The following HDAC9 variants were observed in gnomAD, a reference collection of about 807,000 sequenced individuals.
HDAC9 encodes histone deacetylase 9, also known as MEF-2 interacting transcription repressor (MITR) protein.
A neutral mutation model predicts 139.4 loss-of-function variants in HDAC9; 41 were observed. That is an observed-to-expected ratio of 0.29 (90% CI 0.23 to 0.38). The LOEUF is 0.38. HDAC9 is among the 10% of genes least tolerant of loss of function. The pLI is 1.00. For synonymous variants in HDAC9, 517 were observed against 476.2 expected (o/e 1.09, Z -1.12); for missense variants, 1,147 against 1,297.0 (o/e 0.88, Z 1.78).
At chr7:18,764,643 T>A (rs1789670181) in intron 15 of HDAC9, among the ~76,000 whole-genome samples, 1 of 152,178 alleles carries the variant, frequency 6.6e-6, no homozygotes, top group Non-Finnish European at 1.5e-5. Flanking sequence ...TGTTTGTTTG[T>A]TTGTATCTGG....
chr7:18,146,451 A>G (rs1343514976), intron 1 of HDAC9, among the ~76,000 whole-genome samples: 1 of 152,188 alleles, frequency 6.6e-6, no homozygotes, highest in East Asian at 1.9e-4. Flanking sequence ...GTTTTTCTTC[A>G]GAGCTGCTAT....
intron 1 of HDAC9, among the ~76,000 whole-genome samples, chr7:18,350,666 A>G (rs934653606): frequency 6.6e-6 from 1 of 152,226 alleles, no homozygotes; most frequent in Non-Finnish European, 1.5e-5. Context: ...AGTACATTCC[A>G]TAGCTGTAAG....
chr7:18,159,754 A>G (rs1787494448), intron 1 of HDAC9, among the ~76,000 whole-genome samples: 1 of 152,140 alleles, frequency 6.6e-6, no homozygotes, highest in Non-Finnish European at 1.5e-5. Context: ...ATAAATGGAA[A>G]CTAGTGTATA....
chr7:18,496,111 T>A (rs907064623), intron 1 of HDAC9, 88 bp downstream of exon 1: 5 of 1,401,354 alleles, frequency 3.6e-6, no homozygotes, highest in African/African-American at 1.4e-5. Flanking sequence ...GTTGATCCTC[T>A]GCTGCTTCTC....
chr7:18,909,858 G>A (rs1014578302), intron 22 of HDAC9, among the ~76,000 whole-genome samples: 11 of 151,930 alleles, frequency 7.2e-5, no homozygotes, highest in African/African-American at 2.7e-4. Context: ...GGTTATTATA[G>A]GCTTGTAGTA....
At chr7:18,311,759 C>A (rs1156633639) in intron 1 of HDAC9, among the ~76,000 whole-genome samples, 1 of 152,160 alleles carries the variant, frequency 6.6e-6, no homozygotes, top group Non-Finnish European at 1.5e-5. Flanking sequence ...AATATAGTGA[C>A]AGCCTCAAAT....
intron 12 of HDAC9, among the ~76,000 whole-genome samples, chr7:18,674,637 G>A (rs139785565): frequency 2.2e-3 from 329 of 152,016 alleles, no homozygotes; most frequent in Middle Eastern, 0.014. Flanking sequence ...TATTTTAATG[G>A]TTTTTGTTTT....
At chr7:18,310,468 A>G (rs770410207) in intron 1 of HDAC9, among the ~76,000 whole-genome samples, 1 of 152,194 alleles carries the variant, frequency 6.6e-6, no homozygotes. Flanking sequence ...TGACAGCCTC[A>G]TGTTAACCAG....
intron 1 of HDAC9, among the ~76,000 whole-genome samples, chr7:18,346,734 A>G (rs917842115): frequency 7.9e-5 from 12 of 152,132 alleles, no homozygotes; most frequent in Non-Finnish European, 1.6e-4. Context: ...TTTTTCTTCC[A>G]CAATTACAAT....
intron 1 of HDAC9, among the ~76,000 whole-genome samples, chr7:18,115,618 G>T (rs1043591949): frequency 6.6e-6 from 1 of 152,126 alleles, no homozygotes; most frequent in African/African-American, 2.4e-5. Flanking sequence ...GGAATTTGAT[G>T]TTCAAATCGG....
chr7:18,601,179 A>G (rs1030721134), intron 6 of HDAC9, among the ~76,000 whole-genome samples: 1 of 152,132 alleles, frequency 6.6e-6, no homozygotes, highest in African/African-American at 2.4e-5. Flanking sequence ...TCTCATTTAC[A>G]TCCTCTACAT....
chr7:18,610,444 AC>A (rs755435296), intron 6 of HDAC9, among the ~76,000 whole-genome samples: 32 of 152,022 alleles, frequency 2.1e-4, no homozygotes, highest in Non-Finnish European at 4.0e-4. Flanking sequence ...TCACAGTTTA[AC>A]AACGATAGCA....
intron 21 of HDAC9, among the ~76,000 whole-genome samples, chr7:18,864,942 A>T (rs1798381378): frequency 6.6e-6 from 1 of 152,186 alleles, no homozygotes; most frequent in African/African-American, 2.4e-5. Flanking sequence ...TACCACAATA[A>T]AACTTTTAGT....
In HDAC9 at chr7:18,364,053, A is replaced by G. The variant is rs183821154; in HGVS notation, c.-42+73538A>G. ...AATGTCTATCTATAAAATTTCCCACAATAGTTCATAATCCTCTTTTCAGCA... is the reference window on the plus strand; with the variant it reads ...AATGTCTATCTATAAAATTTCCCACGATAGTTCATAATCCTCTTTTCAGCA... On this transcript the variant is annotated intron_variant, in intron 1 of 3. Transcript: ENST00000413509. Among the ~76,000 whole-genome samples the G allele has an allele frequency of 7.4e-4, 113 of 152,274 alleles. 2 individuals carry two copies. The highest frequency in any genetic ancestry group is 2.5e-3 in the African/African-American group (102 of 41,556).
At chr7:18,731,237 T>C (rs1437354405) in intron 13 of HDAC9, among the ~76,000 whole-genome samples, 1 of 152,128 alleles carries the variant, frequency 6.6e-6, no homozygotes, top group Non-Finnish European at 1.5e-5. Flanking sequence ...GAGAGGCTAT[T>C]TGTATTTGTA....
At chr7:18,173,803 A>G (rs925950350) in intron 2 of HDAC9, among the ~76,000 whole-genome samples, 1 of 152,164 alleles carries the variant, frequency 6.6e-6, no homozygotes, top group African/African-American at 2.4e-5. Context: ...GGGTTTCTGT[A>G]GAGAGATCAG....
chr7:18,842,171 C>T (rs1796626184), intron 21 of HDAC9, among the ~76,000 whole-genome samples: 1 of 152,064 alleles, frequency 6.6e-6, no homozygotes, highest in Non-Finnish European at 1.5e-5. Context: ...AATGGATTCT[C>T]AATTGTTAGT....
intron 1 of HDAC9, among the ~76,000 whole-genome samples, chr7:18,143,312 A>G (rs1562669247): frequency 1.3e-5 from 2 of 152,132 alleles, no homozygotes; most frequent in African/African-American, 4.8e-5. Flanking sequence ...TTACCACACA[A>G]CTGACTACAT....
At chr7:18,840,271 C>A (rs900909945) in intron 21 of HDAC9, among the ~76,000 whole-genome samples, 9 of 152,108 alleles carry the variant, frequency 5.9e-5, no homozygotes, top group Non-Finnish European at 1.0e-4. Flanking sequence ...TAAATATCAT[C>A]TTTTCATGTC....
Sources: allele counts gnomAD v4.1 joint callset (sites outside exome capture counted in the v4.1 genomes callset), GRCh38; gene constraint gnomAD v4.1.1; transcripts MANE v1.5; gene names NCBI Gene and HGNC (gene_info 2026-07-23, HGNC 2026-07-21).